SORBS2: variants seen among roughly 807,000 people sequenced by gnomAD.
SORBS2 encodes the protein sorbin and SH3 domain-containing protein 2.
Under a neutral mutation model 97.7 loss-of-function variants are expected in SORBS2, and 46 were observed. The observed-to-expected ratio is 0.47, with a 90% CI of 0.37 to 0.60. The LOEUF (loss-of-function observed/expected upper bound fraction) is 0.60. Among genes scored for constraint, SORBS2 ranks in the 20% least tolerant of loss-of-function variants. SORBS2 has a pLI of 0.00. For synonymous variants in SORBS2, 476 were observed against 473.4 expected (o/e 1.01, Z -0.07); for missense variants, 1,316 against 1,282.3 (o/e 1.03, Z -0.40).
intron 1 of SORBS2, among the ~76,000 whole-genome samples, chr4:185,857,177 C>A (rs1050648191): frequency 8.5e-5 from 13 of 152,146 alleles, no homozygotes; most frequent in African/African-American, 2.9e-4. Context: ...GCTGAACCCG[C>A]AGCAGAAGAA....
intron 1 of SORBS2, among the ~76,000 whole-genome samples, chr4:185,844,402 T>A (rs1397317117): frequency 6.6e-6 from 1 of 151,970 alleles, no homozygotes; most frequent in East Asian, 1.9e-4. Flanking sequence ...ACACCCACAA[T>A]AAGAGAGCAC....
intron 1 of SORBS2, among the ~76,000 whole-genome samples, chr4:185,916,857 T>C (rs1283403051): frequency 6.6e-6 from 1 of 152,164 alleles, no homozygotes; most frequent in South Asian, 2.1e-4. Flanking sequence ...ATCCTTAGAA[T>C]CTGCAAAGGG....
At chr4:185,954,699 C>T (rs1327031868) in intron 1 of SORBS2, among the ~76,000 whole-genome samples, 1 of 152,192 alleles carries the variant, frequency 6.6e-6, no homozygotes, top group Admixed American at 6.5e-5. Context: ...GTGGCTCACA[C>T]CTGTAATCCC....
rs1323190391 is a variant in SORBS2 at position 185,908,906 on chromosome 4, T to A, written c.-338+47290A>T. ...GCATTATACATGTACTTTATATACA[T>A]GTATTTTTATATAATACATATATAA... On this transcript the variant is annotated intron_variant, in intron 1 of 20. Coordinates refer to the SORBS2 transcript ENST00000284776. 2.6e-5 allele frequency among the ~76,000 whole-genome samples: 4 copies of A among 151,592 alleles called. No homozygotes were observed. The East Asian group carries it at 5.8e-4, about 22-fold the overall frequency.
chr4:185,897,874 T>TA (rs1423226325), intron 1 of SORBS2, among the ~76,000 whole-genome samples: 2 of 145,124 alleles, frequency 1.4e-5, no homozygotes, highest in South Asian at 2.2e-4. Context: ...CTGTCTCCAC[T>TA]CAAAAAAAAA....
intron 1 of SORBS2, among the ~76,000 whole-genome samples, chr4:185,866,904 G>A (rs1440962995): frequency 7.2e-6 from 1 of 138,658 alleles, no homozygotes; most frequent in Admixed American, 7.2e-5. Context: ...ATAAAGGCAG[G>A]ACTCTGAGTT....
intron 4 of SORBS2, 98 bp from the exon 14 acceptor site, chr4:185,639,133 G>C: frequency 8.6e-7 from 1 of 1,160,358 alleles, no homozygotes; most frequent in Non-Finnish European, 1.2e-6. Context: ...GCGTTAGGCC[G>C]GGAGGGGAGA....
intron 2 of SORBS2, among the ~76,000 whole-genome samples, chr4:185,707,952 C>A (rs997749529): frequency 3.3e-5 from 5 of 152,248 alleles, no homozygotes; most frequent in South Asian, 2.1e-4. Context: ...CACAGCCAAA[C>A]CTTATCAGTA....
chr4:185,923,207 T>C (rs2149930578), intron 1 of SORBS2, among the ~76,000 whole-genome samples: 2 of 152,330 alleles, frequency 1.3e-5, no homozygotes. Context: ...CTTGTCTCTG[T>C]TGTGGTCAAC....
chr4:185,879,927 G>A (rs1378369115), intron 1 of SORBS2, among the ~76,000 whole-genome samples: 1 of 152,172 alleles, frequency 6.6e-6, no homozygotes, highest in Non-Finnish European at 1.5e-5. Flanking sequence ...GAGAGCCACG[G>A]TGACACGTAC....
rs550634456 is a variant in SORBS2 at position 185,604,439 on chromosome 4, CAG to C, written c.2796+7339_2796+7340del. On this transcript the variant is annotated intron_variant, in intron 12 of 14. Coordinates refer to ENST00000418609, the Ensembl canonical transcript of SORBS2. ...GAAAGTGTAGAGTCCAGGTCAGAAA[CAG>C]AGGCGAAGAGAGAATGAAATGGAGG... 7.9e-5 allele frequency among the ~76,000 whole-genome samples: 12 copies of C among 152,172 alleles called. 1 individual carries two copies. The South Asian group carries it at 2.5e-3, about 32-fold the overall frequency.
At chr4:185,598,807 A>T (rs1391552895) in intron 12 of SORBS2, among the ~76,000 whole-genome samples, 1 of 152,184 alleles carries the variant, frequency 6.6e-6, no homozygotes, top group Non-Finnish European at 1.5e-5. Flanking sequence ...ATCTAAAAAA[A>T]TAGAATATTT....
Position 185,606,109 on chromosome 4 carries a change from C to T in SORBS2, c.2796+5671G>A, listed in dbSNP as rs2096412302. The T allele has an allele frequency of 1.6e-5, 16 of 985,156 alleles. No individual in the cohort carries two copies. Among genetic ancestry groups the T allele is most frequent in the East Asian group, 1.1e-4 (1 of 8,824 alleles). The allele number at this position is 985,156 out of a possible 1,614,324, so 61.0% of individuals were successfully genotyped here. On this transcript the variant is annotated intron_variant, in intron 12 of 14. Coordinates refer to ENST00000418609, the Ensembl canonical transcript of SORBS2. This position sits in a 1 kb window ranked among gnomAD's most constrained non-coding sequence, Gnocchi z 4.3. ...TAGCATTATTATTTTTGCAAAGTGC[C>T]GTTATGTCAAAGGTATGGTGTACAG...
chr4:185,875,897 A>G (rs1342080744), intron 1 of SORBS2, among the ~76,000 whole-genome samples: 1 of 152,288 alleles, frequency 6.6e-6, no homozygotes, highest in East Asian at 1.9e-4. Context: ...ATTACACTCA[A>G]ATATTATTAT....
Position 185,607,410 on chromosome 4 carries a change from G to A in SORBS2, c.2796+4370C>T. ...AATAAACTAAGAAAATAATAATAAT[G>A]CATCAAAACATAGCGATGGAGAAAT... On this transcript the variant is annotated intron_variant, in intron 12 of 14. Coordinates refer to ENST00000418609, the Ensembl canonical transcript of SORBS2. The surrounding 1 kb of genome is among the most constrained non-coding windows in gnomAD (Gnocchi z 5.2). 4.4e-6 allele frequency: 4 copies of A among 902,548 alleles called. No individual in the cohort carries two copies. The highest frequency in any genetic ancestry group is 2.7e-4 in the Middle Eastern group (1 of 3,740). 55.9% of individuals were successfully genotyped at this position (902,548 alleles called of 1,614,324 possible).
chr4:185,824,963 G>T (rs2099198961), intron 1 of SORBS2, among the ~76,000 whole-genome samples: 1 of 152,234 alleles, frequency 6.6e-6, no homozygotes, highest in East Asian at 1.9e-4. Flanking sequence ...GGGCTTCCAG[G>T]TTCTCTTCAG....
chr4:185,656,522 G>A, intron 1 of SORBS2: 1 of 807,702 alleles, frequency 1.2e-6, no homozygotes, highest in East Asian at 3.2e-5. Context: ...TGCATTCCAG[G>A]GGAGCAGCTC....
intron 2 of SORBS2, chr4:185,771,250 C>T (rs2098969438): frequency 6.6e-6 from 1 of 152,120 alleles, no homozygotes; most frequent in African/African-American, 2.4e-5. Flanking sequence ...CTCGGCCTCC[C>T]AACGTGCTGG....
intron 1 of SORBS2, among the ~76,000 whole-genome samples, chr4:185,835,816 C>T (rs918442220): frequency 6.6e-6 from 1 of 151,914 alleles, no homozygotes; most frequent in African/African-American, 2.4e-5. Flanking sequence ...ACTTACTTTC[C>T]CAAGATGAGG....
Sources: allele counts gnomAD v4.1 joint callset (sites outside exome capture counted in the v4.1 genomes callset), GRCh38; gene constraint gnomAD v4.1.1; non-coding constraint Gnocchi (gnomAD v3.1); transcripts MANE v1.5; gene names NCBI Gene and HGNC (gene_info 2026-07-23, HGNC 2026-07-21).